Variants in SPACA9 observed in about 807,000 individuals in gnomAD.
SPACA9 encodes sperm acrosome associated 9.
SPACA9 carries 14 observed loss-of-function variants against 12.5 expected under a neutral mutation model. That is an observed-to-expected ratio of 1.12 (90% CI 0.74 to 1.75). SPACA9 has a LOEUF of 1.75. Among genes scored for constraint, SPACA9 ranks in the 40% most tolerant of loss-of-function variants. The pLI is 0.00. For missense variants in SPACA9, 292 were observed against 291.9 expected, an observed-to-expected ratio of 1.00 and a Z score of 0.00; for synonymous variants, 111 against 114.1, an observed-to-expected ratio of 0.97 and a Z score of 0.17.
At chr9:132,882,059 C>G (rs569579291) in intron 1 of SPACA9, among the ~76,000 whole-genome samples, 21 of 152,216 alleles carry the variant, frequency 1.4e-4, no homozygotes, top group Non-Finnish European at 2.2e-4. Context: ...ACCTTCAGCT[C>G]TCCTTTCCAT....
chr9:132,884,026 G>A lies in SPACA9; in HGVS notation c.79G>A (p.Ala27Thr), dbSNP rs763395620. The change falls in exon 2 of 4, where the codon GCC becomes ACC. Residue 27 changes from alanine (A) to threonine (T), a missense_variant. Physicochemically the swap from Ala to Thr is moderately conservative, Grantham distance 58. Coordinates refer to ENST00000356311, the MANE Select transcript of SPACA9 (RefSeq NM_001316897.2). ...CCAGCAGCAGCAGCTCACCTTCACC[G>A]CCGCTCTGGAGCACTGCAGGGAGAA... ...LFQQQQLTFT[A>T]ALEHCRENAH... The A allele has an allele frequency of 6.8e-6, 11 of 1,614,112 alleles. No individual in the cohort carries two copies. Among genetic ancestry groups the A allele is most frequent in the African/African-American group, 2.7e-5 (2 of 75,028 alleles).
chr9:132,887,451 TGAATAAGCTCTGCCA>T lies in SPACA9; in HGVS notation c.229_243del (p.Asn77_Gln81del). 2 of 1,613,670 alleles carry T rather than the reference TGAATAAGCTCTGCCA, an allele frequency of 1.2e-6. No individual in the cohort carries two copies. The highest frequency in any genetic ancestry group is 1.7e-6 in the Non-Finnish European group (2 of 1,180,002). On this transcript the variant is annotated inframe_deletion, in exon 3 of 4. Coordinates refer to ENST00000356311, the MANE Select transcript of SPACA9 (RefSeq NM_001316897.2). This position sits in a 1 kb window ranked among gnomAD's most constrained non-coding sequence, Gnocchi z 5.4. ...ATGTTCCTGGACATCTGTTCAGAGCTGAATAAGCTCTGCCAGCACTTTGAGGCCGTGCACTCTGGC... is the reference window on the plus strand; with the variant it reads ...ATGTTCCTGGACATCTGTTCAGAGCTGCACTTTGAGGCCGTGCACTCTGGC...
Position 132,887,487 on chromosome 9 carries a change from C to T in SPACA9, c.263C>T (p.Ser88Phe). The change falls in exon 3 of 4, where the codon TCT becomes TTT. Residue 88 changes from serine (S) to phenylalanine (F), a missense_variant. Transcript: ENST00000356311. This position sits in a 1 kb window ranked among gnomAD's most constrained non-coding sequence, Gnocchi z 5.4. Reference protein sequence around the residue: ...KLCQHFEAVHSGTPVTNNLLE... With the variant: ...KLCQHFEAVHFGTPVTNNLLE... ...TGCCAGCACTTTGAGGCCGTGCACT[C>T]TGGCACCCCAGTCACCAACAACCTC... is the stretch of plus-strand genomic sequence containing the variant. 1 of 1,614,162 alleles carries T rather than the reference C, an allele frequency of 6.2e-7. No homozygotes were observed. Among genetic ancestry groups the T allele is most frequent in the African/African-American group, 1.3e-5 (1 of 75,054 alleles).
chr9:132,880,301 G>C (rs910512111), intron 1 of SPACA9, among the ~76,000 whole-genome samples: 10 of 152,198 alleles, frequency 6.6e-5, no homozygotes, highest in African/African-American at 2.4e-4. Flanking sequence ...CCCGTCCCCT[G>C]TGCCCTTCAT....
In SPACA9 at chr9:132,889,915, T is replaced by C. The variant is rs956510551; in HGVS notation, c.*1304T>C. ...TAAAATGTGTCCCTGGCTTCTGAGC[T>C]TGCCCAAAGTAATGTCTGACTGTTG... On this transcript the variant is annotated 3_prime_UTR_variant, in exon 4 of 4. Coordinates refer to ENST00000356311, the MANE Select transcript of SPACA9 (RefSeq NM_001316897.2). 1.4e-6 allele frequency: 2 copies of C among 1,458,890 alleles called. No individual in the cohort carries two copies. The highest frequency in any genetic ancestry group is 2.2e-5 in the Admixed American group (1 of 44,768). The allele number at this position is 1,458,890 out of a possible 1,614,324, so 90.4% of individuals were successfully genotyped here.
Position 132,889,132 on chromosome 9 carries a change from A to T in SPACA9, c.*521A>T, listed in dbSNP as rs976334201. On this transcript the variant is annotated 3_prime_UTR_variant, in exon 4 of 4. Coordinates refer to ENST00000356311, the MANE Select transcript of SPACA9 (RefSeq NM_001316897.2). ...TCAGGCTCCGTGCTGATGAAGAGGA[A>T]ACCCACTTACAGAAGTTGCCCAAAC... 1.0e-6 allele frequency: 1 copy of T among 989,892 alleles called. No individual in the cohort carries two copies. Among genetic ancestry groups the T allele is most frequent in the Non-Finnish European group, 1.2e-6 (1 of 832,564 alleles). The allele number at this position is 989,892 out of a possible 1,614,324, so 61.3% of individuals were successfully genotyped here. A position where few individuals can be genotyped will look rare whatever the true frequency, so the allele number is the denominator to read the frequency against.
At chr9:132,883,556 A>G (rs2809242) in intron 1 of SPACA9, among the ~76,000 whole-genome samples, 53,839 of 152,032 alleles carry the variant, frequency 0.35, 11,531 homozygotes, top group South Asian at 0.57. Context: ...ATGTGTGTGC[A>G]CATGCATGTG....
At chr9:132,886,936 C>G (rs938318258) in intron 2 of SPACA9, among the ~76,000 whole-genome samples, 1 of 151,996 alleles carries the variant, frequency 6.6e-6, no homozygotes, top group Non-Finnish European at 1.5e-5. Context: ...CTCAGCCTCC[C>G]GAGTAGCTGG....
chr9:132,883,764 C>T, intron 1 of SPACA9, 147 bp from the exon 2 acceptor site: 1 of 583,772 alleles, frequency 1.7e-6, no homozygotes, highest in South Asian at 2.0e-5. Flanking sequence ...CCTCCCAGGG[C>T]CTCGCTTTCT....
At chr9:132,881,296 A>AG (rs111375538) in intron 1 of SPACA9, among the ~76,000 whole-genome samples, 1 of 138,034 alleles carries the variant, frequency 7.2e-6, no homozygotes, top group African/African-American at 2.6e-5. Flanking sequence ...AAAAAAAAGA[A>AG]GAAAAAAAAA....
chr9:132,879,297 AAG>A (rs1444944456), intron 1 of SPACA9, among the ~76,000 whole-genome samples: 1 of 152,188 alleles, frequency 6.6e-6, no homozygotes, highest in Non-Finnish European at 1.5e-5. Context: ...TAGGAGCTGT[AAG>A]AGTTTGTTGA....
In SPACA9 at chr9:132,888,281, G is replaced by C. The variant is rs201123330; in HGVS notation, c.348-9G>C. 3 of 1,596,122 alleles carry C rather than the reference G, an allele frequency of 1.9e-6. No individual in the cohort carries two copies. In the East Asian group the frequency reaches 6.7e-5, roughly 36 times the overall value. On this transcript the variant is annotated splice_polypyrimidine_tract_variant and intron_variant, in intron 3 of 3. Coordinates refer to ENST00000356311, the MANE Select transcript of SPACA9 (RefSeq NM_001316897.2). This position sits in a 1 kb window ranked among gnomAD's most constrained non-coding sequence, Gnocchi z 5.0. ...GCATGGGTTCACCTGGCCCCCTGCC[G>C]TCCTGCAGATACCCTCATGATGTGG...
chr9:132,881,327 G>T (rs1436287503), intron 1 of SPACA9, among the ~76,000 whole-genome samples: 12 of 150,866 alleles, frequency 8.0e-5, no homozygotes, highest in Middle Eastern at 3.4e-3. Flanking sequence ...AGGTAGTCAG[G>T]CATGGTGGCA....
chr9:132,881,223 C>T (rs1470825165), intron 1 of SPACA9, among the ~76,000 whole-genome samples: 1 of 135,402 alleles, frequency 7.4e-6, no homozygotes, highest in African/African-American at 2.8e-5. Flanking sequence ...CCCAGGAGTT[C>T]GAGACCAGCC....
rs1163818928 is a variant in SPACA9, at chr9:132,888,539, G to A, written c.597G>A (p.Gln199=). 1 of 1,559,054 alleles carries A rather than the reference G, an allele frequency of 6.4e-7. No homozygotes were observed. Among genetic ancestry groups the A allele is most frequent in the Non-Finnish European group, 8.7e-7 (1 of 1,151,854 alleles). The change falls in exon 4 of 4, where the codon CAG becomes CAA. Residue 199 remains glutamine, a synonymous_variant. Transcript: ENST00000356311. The surrounding 1 kb of genome is among the most constrained non-coding windows in gnomAD (Gnocchi z 5.0). ...GGGCCACTAAACACAAGTGTAGACA[G>A]CTCACAAAAGCCAGCCTCAAACCCA... is the stretch of plus-strand genomic sequence containing the variant. ...QPRATKHKCR[Q]LTKASLKPRG...
downstream of SPACA9, chr9:132,890,042 CT>C: frequency 7.2e-7 from 1 of 1,387,984 alleles, no homozygotes; most frequent in Non-Finnish European, 9.5e-7. Context: ...CTCTGCCTGA[CT>C]TGGTTTCCTG....
At position 132,888,454 on chromosome 9, in the gene SPACA9, C is replaced by CGCACCAGGAGA. The variant is rs759289749; in HGVS notation, c.521_531dup (p.Gly178ArgfsTer13). Reference sequence around the variant, plus strand: ...CTGCAGCACGTGAGTGAGCCCCAGGCGCACCAGGAGAGCACCAGGGGAGCC... The same window carrying CGCACCAGGAGA: ...CTGCAGCACGTGAGTGAGCCCCAGGCGCACCAGGAGAGCACCAGGAGAGCACCAGGGGAGCC... On this transcript the variant is annotated frameshift_variant, in exon 4 of 4. Transcript: ENST00000356311. LOFTEE classifies it low-confidence loss of function (END_TRUNC). This position sits in a 1 kb window ranked among gnomAD's most constrained non-coding sequence, Gnocchi z 5.0. 2.5e-6 allele frequency: 4 copies of CGCACCAGGAGA among 1,613,116 alleles called. No homozygotes were observed. In the South Asian group the frequency reaches 4.4e-5, roughly 18 times the overall value.
upstream of SPACA9, chr9:132,878,435 G>C: frequency 1.6e-6 from 2 of 1,230,834 alleles, no homozygotes; most frequent in African/African-American, 1.6e-5. The surrounding 1 kb of genome is among the most constrained non-coding windows in gnomAD (Gnocchi z 4.7). Flanking sequence ...TCTGCGGCTC[G>C]GGCAAGTTCT....
At chr9:132,886,693 T>C (rs1003588545) in intron 2 of SPACA9, among the ~76,000 whole-genome samples, 2 of 152,164 alleles carry the variant, frequency 1.3e-5, no homozygotes, top group South Asian at 2.1e-4. Flanking sequence ...ACCTGCTCAG[T>C]GTGTAGGGTT....
Sources: gnomAD v4.1 joint callset for allele counts (sites outside exome capture counted in the v4.1 genomes callset) on GRCh38, gnomAD v4.1.1 for gene constraint, Gnocchi (gnomAD v3.1) non-coding constraint, MANE v1.5 for transcripts, NCBI Gene and HGNC (gene_info 2026-07-23, HGNC 2026-07-21) for gene names.